Variants in PDZRN4 observed in about 807,000 individuals in gnomAD.
PDZRN4 encodes PDZ domain-containing RING finger protein 4.
PDZRN4 carries 70 observed loss-of-function variants against 99.0 expected under a neutral mutation model. The ratio of observed to expected loss-of-function variants is 0.71; its 90% CI spans 0.58 to 0.86. PDZRN4 has a LOEUF of 0.86. Ranked by LOEUF, PDZRN4 falls within the 40% of genes least tolerant of loss-of-function variation. The pLI is 0.00. For missense variants in PDZRN4, 1,474 were observed against 1,331.2 expected (o/e 1.11, Z -1.67); for synonymous variants, 551 against 501.6 (o/e 1.10, Z -1.32).
intron 3 of PDZRN4, among the ~76,000 whole-genome samples, chr12:41,283,127 T>C (rs2405905): frequency 6.6e-6 from 1 of 151,606 alleles, no homozygotes; most frequent in Non-Finnish European, 1.5e-5. Flanking sequence ...CCAGACTAAT[T>C]AAGAAGAAAA....
intron 3 of PDZRN4, among the ~76,000 whole-genome samples, chr12:41,239,447 C>A (rs1456323792): frequency 6.6e-6 from 1 of 152,144 alleles, no homozygotes; most frequent in East Asian, 1.9e-4. Context: ...CAAACATGCA[C>A]ATGTATCCCT....
At chr12:41,520,477 C>A (rs1009693853) in intron 5 of PDZRN4, among the ~76,000 whole-genome samples, 10 of 152,104 alleles carry the variant, frequency 6.6e-5, no homozygotes, top group African/African-American at 2.4e-4. Context: ...GGATTTAGAA[C>A]TGAGACTCTT....
chr12:41,193,653 T>C (rs1209496057), intron 2 of PDZRN4, among the ~76,000 whole-genome samples: 1 of 152,230 alleles, frequency 6.6e-6, no homozygotes, highest in African/African-American at 2.4e-5. Flanking sequence ...AAAGCTAAAT[T>C]ACATTTCTAA....
At chr12:41,456,948 C>T (rs1952821160) in intron 3 of PDZRN4, among the ~76,000 whole-genome samples, 1 of 152,130 alleles carries the variant, frequency 6.6e-6, no homozygotes, top group Non-Finnish European at 1.5e-5. Flanking sequence ...AAACATCATG[C>T]CTAAGTTTGC....
intron 3 of PDZRN4, among the ~76,000 whole-genome samples, chr12:41,288,028 G>T (rs149655937): frequency 2.2e-3 from 333 of 152,254 alleles, no homozygotes; most frequent in African/African-American, 7.5e-3. Flanking sequence ...AATAATACTT[G>T]CTCCGCCTGC....
In PDZRN4 at chr12:41,446,554, G is replaced by A. The variant is rs148791391; in HGVS notation, c.844-59902G>A. On this transcript the variant is annotated intron_variant, in intron 3 of 9. Coordinates refer to ENST00000402685, the MANE Select transcript of PDZRN4 (RefSeq NM_001164595.2). ...TTTTTTTTTAGGTAAAGCAAAGTTTGGGAAAGAGCATTTCTCACTGAATAC... is the reference window on the plus strand; with the variant it reads ...TTTTTTTTTAGGTAAAGCAAAGTTTAGGAAAGAGCATTTCTCACTGAATAC... Among the ~76,000 whole-genome samples, 273 of 151,866 alleles carry A rather than the reference G, an allele frequency of 1.8e-3. 1 individual carries two copies. Among genetic ancestry groups the A allele is most frequent in the African/African-American group, 6.2e-3 (258 of 41,460 alleles).
At chr12:41,451,954 C>A (rs527402893) in intron 3 of PDZRN4, among the ~76,000 whole-genome samples, 3 of 152,178 alleles carry the variant, frequency 2.0e-5, no homozygotes, top group African/African-American at 7.2e-5. Context: ...GCTTTCTGGC[C>A]AGTATTATCT....
chr12:41,197,920 G>GTTTTTTTTTTTTTTTTTTTTTTTTTTTTT lies in PDZRN4; in HGVS notation c.843+3743_843+3744insTTTTTTTTTTTTTTTTTTTTTTTTTTTTT, dbSNP rs533696414. Among the ~76,000 whole-genome samples, 97 of 115,572 alleles carry GTTTTTTTTTTTTTTTTTTTTTTTTTTTTT rather than the reference G, an allele frequency of 8.4e-4. 3 individuals carry two copies. Among genetic ancestry groups the GTTTTTTTTTTTTTTTTTTTTTTTTTTTTT allele is most frequent in the Non-Finnish European group, 1.1e-3 (61 of 57,732 alleles). The allele number at this position is 115,572 out of a possible 152,430, so 75.8% of individuals were successfully genotyped here. A position where few individuals can be genotyped will look rare whatever the true frequency, so the allele number is the denominator to read the frequency against. ...TTCTTCTTTTCCTTGTTTTTTCTGG[G>GTTTTTTTTTTTTTTTTTTTTTTTTTTTTT]TTTTTTTTTTTGGAGACAGGATCTT... On this transcript the variant is annotated intron_variant, in intron 3 of 9. Coordinates refer to ENST00000402685, the MANE Select transcript of PDZRN4 (RefSeq NM_001164595.2).
chr12:41,237,706 A>T (rs887084663), intron 3 of PDZRN4, among the ~76,000 whole-genome samples: 1 of 152,174 alleles, frequency 6.6e-6, no homozygotes, highest in African/African-American at 2.4e-5. Context: ...CTCTCCCAGC[A>T]CCATTAATTA....
At chr12:41,555,568 T>G (rs285580) in intron 6 of PDZRN4, 130 bp from the exon 7 acceptor site, 454,491 of 659,362 alleles carry the variant, frequency 0.69, 158,071 homozygotes, top group Middle Eastern at 0.82. Flanking sequence ...AGAGAAATAT[T>G]ATGTATACTG....
chr12:41,508,522 G>C (rs968968616), intron 4 of PDZRN4, among the ~76,000 whole-genome samples: 13 of 152,148 alleles, frequency 8.5e-5, no homozygotes, highest in South Asian at 2.1e-4. Context: ...AATGAATAAA[G>C]TGTTCCTCAC....
At chr12:41,200,635 G>C (rs913044377) in intron 3 of PDZRN4, among the ~76,000 whole-genome samples, 26 of 151,998 alleles carry the variant, frequency 1.7e-4, no homozygotes, top group African/African-American at 6.3e-4. Context: ...ATCATTCTAT[G>C]CTATAAAAAT....
intron 6 of PDZRN4, among the ~76,000 whole-genome samples, chr12:41,553,791 A>G (rs1474191316): frequency 2.6e-5 from 4 of 152,144 alleles, no homozygotes; most frequent in African/African-American, 7.2e-5. Flanking sequence ...ATATGTTTAT[A>G]TATAAATGCA....
intron 3 of PDZRN4, among the ~76,000 whole-genome samples, chr12:41,374,309 G>A (rs10880067): frequency 0.47 from 72,033 of 151,940 alleles, 17,861 homozygotes; most frequent in Middle Eastern, 0.66. Flanking sequence ...AATGAAACAT[G>A]GAGTAAAGGT....
At chr12:41,510,401 T>C (rs1938285873) in intron 5 of PDZRN4, among the ~76,000 whole-genome samples, 1 of 152,170 alleles carries the variant, frequency 6.6e-6, no homozygotes, top group African/African-American at 2.4e-5. Context: ...AGAGATGGCC[T>C]CATGCCCTTT....
At chr12:41,500,501 C>G (rs147083143) in intron 3 of PDZRN4, among the ~76,000 whole-genome samples, 81 of 152,230 alleles carry the variant, frequency 5.3e-4, no homozygotes, top group African/African-American at 1.9e-3. Flanking sequence ...TGCAATCTAA[C>G]ATTTCCTATG....
At chr12:41,440,969 C>A (rs1268278476) in intron 3 of PDZRN4, among the ~76,000 whole-genome samples, 1 of 152,058 alleles carries the variant, frequency 6.6e-6, no homozygotes, top group Non-Finnish European at 1.5e-5. Context: ...GTATTTCTGA[C>A]CTAATAACAG....
intron 3 of PDZRN4, among the ~76,000 whole-genome samples, chr12:41,288,682 C>T (rs528963532): frequency 1.8e-4 from 28 of 152,250 alleles, no homozygotes; most frequent in South Asian, 4.1e-4. Context: ...CTTAAAAATA[C>T]GGATACCTTT....
At chr12:41,535,833 C>G (rs1018656936) in intron 5 of PDZRN4, among the ~76,000 whole-genome samples, 1 of 152,172 alleles carries the variant, frequency 6.6e-6, no homozygotes, top group African/African-American at 2.4e-5. Flanking sequence ...GCCCCTCCAG[C>G]TTAGACTTCC....
Sources: allele counts gnomAD v4.1 joint callset (sites outside exome capture counted in the v4.1 genomes callset), GRCh38; gene constraint gnomAD v4.1.1; transcripts MANE v1.5; gene names NCBI Gene and HGNC (gene_info 2026-07-23, HGNC 2026-07-21).